ABR: variants seen among roughly 807,000 people sequenced by gnomAD.
ABR encodes the protein active breakpoint cluster region-related protein.
Under a neutral mutation model 107.2 loss-of-function variants are expected in ABR, and 35 were observed. The ratio of observed to expected loss-of-function variants is 0.33; its 90% CI spans 0.25 to 0.43. The LOEUF is 0.43. ABR is among the 20% of genes least tolerant of loss of function. ABR has a pLI of 1.00. For missense variants in ABR, 815 were observed against 1,115.2 expected (o/e 0.73, Z 3.83); for synonymous variants, 498 against 462.0 (o/e 1.08, Z -1.00).
chr17:1,188,564 A>C (rs1402927506), upstream of ABR, among the ~76,000 whole-genome samples: 3 of 149,984 alleles, frequency 2.0e-5, no homozygotes, highest in Non-Finnish European at 4.4e-5. Flanking sequence ...AAAAAAAAAA[A>C]GAGGTCACAA....
chr17:1,192,768 G>C (rs977740585), intron 1 of ABR, among the ~76,000 whole-genome samples: 1 of 152,204 alleles, frequency 6.6e-6, no homozygotes, highest in Admixed American at 6.5e-5. Flanking sequence ...CAAAAAAATA[G>C]CTGGGCGTGG....
intron 5 of ABR, 183 bp downstream of exon 5, chr17:1,083,337 T>A (rs1280961856): frequency 8.4e-6 from 2 of 237,138 alleles, no homozygotes; most frequent in Admixed American, 6.8e-5. Flanking sequence ...AAAAAATAAA[T>A]AAAATAGATC....
chr17:1,187,970 CT>C, upstream of ABR, among the ~76,000 whole-genome samples: 1 of 152,094 alleles, frequency 6.6e-6, no homozygotes, highest in Non-Finnish European at 1.5e-5. Context: ...AATCCCAGCA[CT>C]TTGGGAGGCC....
intron 4 of ABR, among the ~76,000 whole-genome samples, chr17:1,087,802 G>A (rs1314662364): frequency 6.6e-6 from 1 of 152,258 alleles, no homozygotes; most frequent in South Asian, 2.1e-4. Context: ...ACCCTCCCAG[G>A]AGCCAGGGGC....
chr17:1,111,089 A>G (rs926372260), intron 2 of ABR, among the ~76,000 whole-genome samples: 1 of 152,106 alleles, frequency 6.6e-6, no homozygotes, highest in Non-Finnish European at 1.5e-5. Context: ...GGCTGCCCAC[A>G]TGAGTCAGAC....
At position 1,038,011 on chromosome 17, in the gene ABR, C is replaced by T. The variant is rs151103599; in HGVS notation, c.1791+12039G>A. 3.7e-3 allele frequency among the ~76,000 whole-genome samples: 560 copies of T among 152,266 alleles called. 7 individuals carry two copies. Among genetic ancestry groups the T allele is most frequent in the Middle Eastern group, 0.017 (5 of 294 alleles). The stretch of plus-strand genomic sequence containing the variant: ...GTTTTTTCCAAATGAAATTTTATGC[C>T]GACGTCTCCCTGCCCACCTCGTCGG... On this transcript the variant is annotated intron_variant, in intron 16 of 22. Transcript: ENST00000302538.
At chr17:1,008,437 C>T (rs1350450894) in intron 21 of ABR, among the ~76,000 whole-genome samples, 2 of 152,232 alleles carry the variant, frequency 1.3e-5, no homozygotes, top group Non-Finnish European at 2.9e-5. Context: ...GGGCCAGCCC[C>T]TCACCACACG....
chr17:1,009,270 C>T (rs1476625231), intron 21 of ABR, among the ~76,000 whole-genome samples: 1 of 136,772 alleles, frequency 7.3e-6, no homozygotes, highest in Non-Finnish European at 1.6e-5. Flanking sequence ...GCTGTCCACC[C>T]CCCACTGCTG....
chr17:1,185,690 T>C (rs1327111385), intron 1 of ABR, among the ~76,000 whole-genome samples: 12 of 142,998 alleles, frequency 8.4e-5, no homozygotes, highest in Admixed American at 6.9e-4. Flanking sequence ...AGAAGGTATG[T>C]GCCCAGGTGG....
chr17:1,064,489 GA>G (rs1222360106), intron 10 of ABR, among the ~76,000 whole-genome samples: 8 of 64,616 alleles, frequency 1.2e-4, no homozygotes, highest in African/African-American at 4.3e-4. Flanking sequence ...TGTTCCTCTA[GA>G]CACTGTTGTT....
chr17:1,162,425 C>T (rs983394552), intron 1 of ABR, among the ~76,000 whole-genome samples: 1 of 152,198 alleles, frequency 6.6e-6, no homozygotes, highest in Non-Finnish European at 1.5e-5. Flanking sequence ...TCCACCCCAG[C>T]AGGAGATGAG....
intron 1 of ABR, among the ~76,000 whole-genome samples, chr17:1,206,530 G>A (rs1259719222): frequency 1.3e-5 from 2 of 152,176 alleles, no homozygotes; most frequent in South Asian, 2.1e-4. Flanking sequence ...TAGCCAGGAT[G>A]ACAGGCATTT....
Position 1,050,455 on chromosome 17 carries a change from A to T in ABR, c.1659+82T>A. The stretch of plus-strand genomic sequence containing the variant: ...GGGTGCAGACATAGCTGGTCCAACC[A>T]ATGGGCTGGCCGTCCCCAGCAGACA... On this transcript the variant is annotated intron_variant, in intron 15 of 22. Transcript: ENST00000302538. This position sits in a 1 kb window ranked among gnomAD's most constrained non-coding sequence, Gnocchi z 4.6. The T allele has an allele frequency of 7.5e-7, 1 of 1,332,738 alleles. No individual in the cohort carries two copies. The highest frequency in any genetic ancestry group is 1.1e-6 in the Non-Finnish European group (1 of 925,442). 82.6% of individuals were successfully genotyped at this position (1,332,738 alleles called of 1,614,324 possible).
intron 4 of ABR, among the ~76,000 whole-genome samples, chr17:1,087,055 G>A (rs2036637986): frequency 6.6e-6 from 1 of 152,134 alleles, no homozygotes; most frequent in African/African-American, 2.4e-5. Context: ...AGAGGGAGGA[G>A]GGAGGGGAGA....
At chr17:1,020,868 C>A (rs545183242) in intron 16 of ABR, among the ~76,000 whole-genome samples, 9 of 152,106 alleles carry the variant, frequency 5.9e-5, no homozygotes, top group African/African-American at 2.2e-4. Context: ...TGCCTCTGCC[C>A]GGAGGGCTGC....
chr17:1,196,512 G>A (rs2042568798), intron 1 of ABR, among the ~76,000 whole-genome samples: 1 of 152,062 alleles, frequency 6.6e-6, no homozygotes, highest in Non-Finnish European at 1.5e-5. Context: ...ACAAAACTGG[G>A]TATTAACTCT....
chr17:1,111,385 C>T (rs926341116), intron 2 of ABR, among the ~76,000 whole-genome samples: 2 of 152,172 alleles, frequency 1.3e-5, no homozygotes, highest in African/African-American at 2.4e-5. Flanking sequence ...ACACAGACTC[C>T]ACTCACAGGC....
chr17:1,040,401 C>T (rs1317558283), intron 16 of ABR, among the ~76,000 whole-genome samples: 3 of 152,210 alleles, frequency 2.0e-5, no homozygotes, highest in East Asian at 1.9e-4. Context: ...CCCTTGTTTC[C>T]GACCACACCA....
At chr17:1,058,968 AT>A in intron 10 of ABR, 101 bp from the exon 11 acceptor site, 1 of 1,491,116 alleles carries the variant, frequency 6.7e-7, no homozygotes, top group South Asian at 1.3e-5. Flanking sequence ...TGCTCTTTAC[AT>A]TTTCCGTATT....
Sources: allele counts gnomAD v4.1 joint callset (sites outside exome capture counted in the v4.1 genomes callset), GRCh38; gene constraint gnomAD v4.1.1; non-coding constraint Gnocchi (gnomAD v3.1); transcripts MANE v1.5; gene names NCBI Gene and HGNC (gene_info 2026-07-23, HGNC 2026-07-21).